ZNF451: variants seen among roughly 807,000 people sequenced by gnomAD.
The protein encoded by ZNF451 is E3 SUMO-protein ligase ZNF451.
ZNF451 carries 80 observed loss-of-function variants against 107.1 expected under a neutral mutation model. The ratio of observed to expected loss-of-function variants is 0.75; its 90% CI spans 0.62 to 0.90. ZNF451 has a LOEUF of 0.90. Ranked by LOEUF, ZNF451 falls within the 40% of genes least tolerant of loss-of-function variation. The pLI is 0.00. For missense variants in ZNF451, 1,107 were observed against 1,236.2 expected, an observed-to-expected ratio of 0.90 and a Z score of 1.57; for synonymous variants, 362 against 406.5, an observed-to-expected ratio of 0.89 and a Z score of 1.32.
intron 14 of ZNF451, among the ~76,000 whole-genome samples, chr6:57,162,136 CAGT>C (rs1441056964): frequency 1.3e-5 from 2 of 152,124 alleles, no homozygotes; most frequent in South Asian, 4.1e-4. Context: ...TAAAGAAAAA[CAGT>C]AGGAGTCTTC....
chr6:57,135,911 T>A (rs1326839434), intron 7 of ZNF451, among the ~76,000 whole-genome samples: 1 of 152,192 alleles, frequency 6.6e-6, no homozygotes, highest in East Asian at 1.9e-4. Context: ...CAGAATTTGC[T>A]TCTATCTAGA....
chr6:57,091,713 T>A (rs1168037261), intron 2 of ZNF451, among the ~76,000 whole-genome samples: 1 of 152,220 alleles, frequency 6.6e-6, no homozygotes, highest in Admixed American at 6.5e-5. Context: ...AAAACGGTTC[T>A]GTCCCCAACT....
At chr6:57,156,267 C>T (rs1763421877) in intron 13 of ZNF451, among the ~76,000 whole-genome samples, 1 of 152,144 alleles carries the variant, frequency 6.6e-6, no homozygotes, top group Non-Finnish European at 1.5e-5. Context: ...TTAAAACCAT[C>T]AAATTTCCTG....
At position 57,165,568 on chromosome 6, in the gene ZNF451, T is replaced by C. The variant is rs374635254; in HGVS notation, c.3140-2855T>C. 6.6e-5 allele frequency: 10 copies of C among 152,324 alleles called. No homozygotes were observed. In the East Asian group the frequency reaches 1.3e-3, roughly 21 times the overall value. 9.4% of individuals were successfully genotyped at this position (152,324 alleles called of 1,614,324 possible). A position where few individuals can be genotyped will look rare whatever the true frequency, so the allele number is the denominator to read the frequency against. On this transcript the variant is annotated intron_variant, in intron 14 of 14. Transcript: ENST00000370706. ...CAAATTCATTAAGCCCCTCTAAAGA[T>C]TTTTCATTTTAGTTATTGTACTTTT...
Position 57,116,784 on chromosome 6 carries a change from T to G in ZNF451, c.187-7950T>G, listed in dbSNP as rs1830390920. 1.3e-5 allele frequency: 2 copies of G among 151,960 alleles called. 1 individual carries two copies. The highest frequency in any genetic ancestry group is 4.2e-4 in the South Asian group (2 of 4,814). The allele number at this position is 151,960 out of a possible 1,614,324, so 9.4% of individuals were successfully genotyped here. A position where few individuals can be genotyped will look rare whatever the true frequency, so the allele number is the denominator to read the frequency against. Reference sequence around the variant, plus strand: ...CTGTTTTCAGTATTGGTAGCCAGAGTTCCTTTTTTTCTTCCTTTTTAAGAA... The same window carrying G: ...CTGTTTTCAGTATTGGTAGCCAGAGGTCCTTTTTTTCTTCCTTTTTAAGAA... On this transcript the variant is annotated intron_variant, in intron 3 of 14. Transcript: ENST00000370706.
intron 11 of ZNF451, chr6:57,151,999 A>G: frequency 2.3e-6 from 1 of 434,746 alleles, no homozygotes; most frequent in Non-Finnish European, 4.1e-6. Flanking sequence ...TATCCATGTG[A>G]GTTTTAAGAT....
rs1049476504 is a variant in ZNF451 at position 57,148,281 on chromosome 6, C to T, written c.2196C>T (p.Val732=). 1 of 1,613,752 alleles carries T rather than the reference C, an allele frequency of 6.2e-7. No homozygotes were observed. Among genetic ancestry groups the T allele is most frequent in the Non-Finnish European group, 8.5e-7 (1 of 1,179,934 alleles). ...CGCRESYICK[V]NRKEDYSRCL... The stretch of plus-strand genomic sequence containing the variant: ...GCCGTGAGAGTTACATCTGTAAAGT[C>T]AACAGAAAAGAAGATTATAGCAGAT... The change falls in exon 10 of 15, where the codon GTC becomes GTT. Residue 732 remains valine, a synonymous_variant. Coordinates refer to ENST00000370706, the MANE Select transcript of ZNF451 (RefSeq NM_001031623.3).
At chr6:57,101,042 A>G in intron 3 of ZNF451, 9 of 1,550,530 alleles carry the variant, frequency 5.8e-6, no homozygotes, top group Non-Finnish European at 7.8e-6. Flanking sequence ...AGATTTCATC[A>G]TTCTAGGCCA....
At position 57,157,862 on chromosome 6, in the gene ZNF451, GA is replaced by G. The variant is rs1034119348; in HGVS notation, c.3071-3214del. Among the ~76,000 whole-genome samples the G allele has an allele frequency of 1.4e-4, 21 of 151,704 alleles. No individual in the cohort carries two copies. In the East Asian group the frequency reaches 3.1e-3, roughly 22 times the overall value. On this transcript the variant is annotated intron_variant, in intron 13 of 14. Transcript: ENST00000370706. ...ATAACTTGTCACTTAAATGTTGAAAGAAAAAAAAGGTGAACTTTTTAATTGA... is the reference window on the plus strand; with the variant it reads ...ATAACTTGTCACTTAAATGTTGAAAGAAAAAAAGGTGAACTTTTTAATTGA...
intron 2 of ZNF451, among the ~76,000 whole-genome samples, chr6:57,097,509 A>G (rs1159801321): frequency 6.6e-6 from 1 of 152,080 alleles, no homozygotes; most frequent in African/African-American, 2.4e-5. Flanking sequence ...TGCATTCTCT[A>G]GTGTTTTAGA....
At chr6:57,103,663 G>A (rs773546766) in intron 3 of ZNF451, 3 of 985,212 alleles carry the variant, frequency 3.0e-6, no homozygotes, top group Non-Finnish European at 3.6e-6. Context: ...TTTATTGACA[G>A]ACTTAATTCT....
chr6:57,096,602 G>A (rs9367709), intron 2 of ZNF451, among the ~76,000 whole-genome samples: 13,783 of 133,254 alleles, frequency 0.1, 828 homozygotes, highest in African/African-American at 0.15. Flanking sequence ...TCTGGTTACC[G>A]GGGCGGGGGG....
At position 57,148,201 on chromosome 6, in the gene ZNF451, A is replaced by T; in HGVS notation, c.2116A>T (p.Lys706Ter). 6.2e-7 allele frequency: 1 copy of T among 1,614,090 alleles called. No homozygotes were observed. Among genetic ancestry groups the T allele is most frequent in the Non-Finnish European group, 8.5e-7 (1 of 1,179,976 alleles). ...GTCAGAAAAAACTGAAACTTCAATTAAAACCGAAGATGATTTTCCAGTAAT... is the reference window on the plus strand; with the variant it reads ...GTCAGAAAAAACTGAAACTTCAATTTAAACCGAAGATGATTTTCCAGTAAT... ...FVSEKTETSI[K>*]TEDDFPVIET... The change falls in exon 10 of 15, where the codon AAA becomes TAA. Residue 706 changes from lysine (K) to a stop codon, truncating the protein, a stop_gained. Transcript: ENST00000370706. LOFTEE classifies it high-confidence loss of function.
chr6:57,160,078 G>A (rs1232112060), intron 13 of ZNF451, among the ~76,000 whole-genome samples: 1 of 152,006 alleles, frequency 6.6e-6, no homozygotes, highest in Non-Finnish European at 1.5e-5. Context: ...TTTTTTAAAG[G>A]TGAACTTTAT....
At chr6:57,103,516 A>C in intron 3 of ZNF451, 1 of 985,364 alleles carries the variant, frequency 1.0e-6, no homozygotes, top group Non-Finnish European at 1.2e-6. Context: ...TTTAGACTCA[A>C]GGTAGTGGAT....
At chr6:57,118,131 CCAGA>C (rs1830459538) in intron 3 of ZNF451, among the ~76,000 whole-genome samples, 1 of 152,090 alleles carries the variant, frequency 6.6e-6, no homozygotes, top group Non-Finnish European at 1.5e-5. Context: ...CTTCTAGTCT[CCAGA>C]CAAATTTAGG....
intron 3 of ZNF451, 77 bp from the exon 4 acceptor site, chr6:57,124,657 A>T: frequency 9.7e-7 from 1 of 1,031,858 alleles, no homozygotes; most frequent in East Asian, 2.5e-5. Context: ...TTAGTATAGT[A>T]GCTGTTTTAT....
chr6:57,126,241 C>G (rs961693036), intron 4 of ZNF451, among the ~76,000 whole-genome samples: 2 of 151,808 alleles, frequency 1.3e-5, no homozygotes, highest in Non-Finnish European at 2.9e-5. Flanking sequence ...TTTTGTTTAA[C>G]CAGTTGGAAA....
intron 4 of ZNF451, among the ~76,000 whole-genome samples, chr6:57,127,468 T>G (rs1173101816): frequency 6.6e-6 from 1 of 152,198 alleles, no homozygotes; most frequent in African/African-American, 2.4e-5. Flanking sequence ...TTCGCCTCAT[T>G]TATCCTTCCT....
Sources: allele counts gnomAD v4.1 joint callset (sites outside exome capture counted in the v4.1 genomes callset), GRCh38; gene constraint gnomAD v4.1.1; transcripts MANE v1.5; gene names NCBI Gene and HGNC (gene_info 2026-07-23, HGNC 2026-07-21).